PRLR: variants seen among roughly 807,000 people sequenced by gnomAD.
The protein encoded by PRLR is hPRL receptor.
In PRLR, 13 loss-of-function variants were observed where a neutral mutation model predicts 40.2. That is an observed-to-expected ratio of 0.32 (90% CI 0.21 to 0.51). The LOEUF (loss-of-function observed/expected upper bound fraction) is 0.51, where lower values mean the gene tolerates loss of function less well. Ranked by LOEUF, PRLR falls within the 20% of genes least tolerant of loss-of-function variation. PRLR has a pLI of 0.97. For missense variants in PRLR, 656 were observed against 747.3 expected (o/e 0.88, Z 1.42); for synonymous variants, 269 against 278.7 (o/e 0.97, Z 0.35).
chr5:35,201,481 C>T (rs1579797291), intron 1 of PRLR, among the ~76,000 whole-genome samples: 1 of 152,174 alleles, frequency 6.6e-6, no homozygotes, highest in East Asian at 1.9e-4. Context: ...GAAACACTTG[C>T]AGGACCTGTC....
At position 35,070,164 on chromosome 5, in the gene PRLR, C is replaced by A; in HGVS notation, c.645G>T (p.Trp215Cys). ...QVRCKPDHGYWSAWSPATFIQ... is the reference protein window; with the variant it reads ...QVRCKPDHGYCSAWSPATFIQ... The stretch of plus-strand genomic sequence containing the variant: ...TGAAGGTCGCTGGACTCCATGCACT[C>A]CAGTATCCATGGTCTGGTTTGCAGC... Residue 215 changes from tryptophan to cysteine, a missense_variant, in exon 7 of 10, where the codon TGG becomes TGT. By Grantham distance (215) the Trp-to-Cys change is radical. This residue lies in a region of PRLR where 469 missense variants were observed against 491.5 expected (regional missense o/e 0.95). Coordinates refer to ENST00000618457, the MANE Select transcript of PRLR (RefSeq NM_000949.7). The A allele has an allele frequency of 6.2e-7, 1 of 1,614,120 alleles. No homozygotes were observed. The highest frequency in any genetic ancestry group is 8.5e-7 in the Non-Finnish European group (1 of 1,180,028).
At chr5:35,197,782 A>G (rs925828367) in intron 1 of PRLR, among the ~76,000 whole-genome samples, 40 of 152,238 alleles carry the variant, frequency 2.6e-4, no homozygotes. Context: ...ATAGTCGCTG[A>G]CTGCAGCAGA....
chr5:35,154,821 GAT>G (rs1248842005), intron 1 of PRLR, among the ~76,000 whole-genome samples: 1 of 152,156 alleles, frequency 6.6e-6, no homozygotes, highest in Non-Finnish European at 1.5e-5. Flanking sequence ...AAAAAAACGA[GAT>G]CATGTCTTCT....
intron 6 of PRLR, among the ~76,000 whole-genome samples, chr5:35,071,628 G>A (rs1447434163): frequency 2.6e-5 from 4 of 151,776 alleles, no homozygotes; most frequent in African/African-American, 7.3e-5. Flanking sequence ...AGACGGAGTC[G>A]CTCTTGTCAC....
At chr5:35,069,697 G>C (rs922719461) in intron 7 of PRLR, among the ~76,000 whole-genome samples, 2 of 152,226 alleles carry the variant, frequency 1.3e-5, no homozygotes, top group Non-Finnish European at 2.9e-5. Flanking sequence ...CTTTGCTGGA[G>C]CTGTCTATCT....
chr5:35,116,801 G>T (rs938549638), intron 2 of PRLR, among the ~76,000 whole-genome samples: 1 of 152,158 alleles, frequency 6.6e-6, no homozygotes, highest in African/African-American at 2.4e-5. Context: ...CACTTCTTCT[G>T]CAAGTATTTG....
At position 35,157,431 on chromosome 5, in the gene PRLR, A is replaced by G. The variant is rs144684229; in HGVS notation, c.-105-39309T>C. Reference sequence around the variant, plus strand: ...CATCCTGACCACCATTTCCTGGTTGATGAGACAACCCCTTCCAGGGAGGAC... The same window carrying G: ...CATCCTGACCACCATTTCCTGGTTGGTGAGACAACCCCTTCCAGGGAGGAC... On this transcript the variant is annotated intron_variant, in intron 1 of 9. Transcript: ENST00000618457. Among the ~76,000 whole-genome samples, 791 of 152,296 alleles carry G rather than the reference A, an allele frequency of 5.2e-3. 8 individuals carry two copies. The highest frequency in any genetic ancestry group is 0.018 in the African/African-American group (769 of 41,568).
intron 1 of PRLR, among the ~76,000 whole-genome samples, chr5:35,170,143 A>C (rs1774956825): frequency 6.6e-6 from 1 of 152,246 alleles, no homozygotes; most frequent in South Asian, 2.1e-4. Context: ...ATCATGTAAG[A>C]AATCACACAA....
intron 1 of PRLR, among the ~76,000 whole-genome samples, chr5:35,164,953 C>G (rs966891019): frequency 1.3e-5 from 2 of 152,270 alleles, no homozygotes; most frequent in Non-Finnish European, 2.9e-5. Flanking sequence ...TGGTTTGGGT[C>G]TCTGTGTTGA....
At chr5:35,226,542 C>T (rs1285180104) in intron 1 of PRLR, among the ~76,000 whole-genome samples, 5 of 152,208 alleles carry the variant, frequency 3.3e-5, no homozygotes, top group African/African-American at 1.2e-4. Flanking sequence ...CATCTTCAGA[C>T]TTTAAGCTTT....
intron 2 of PRLR, among the ~76,000 whole-genome samples, chr5:35,095,496 G>A (rs1451432821): frequency 1.3e-5 from 2 of 152,218 alleles, no homozygotes; most frequent in Non-Finnish European, 2.9e-5. Context: ...GGAAGACATT[G>A]AAAACTGAGG....
intron 2 of PRLR, among the ~76,000 whole-genome samples, chr5:35,101,043 A>G (rs1023768646): frequency 1.3e-5 from 2 of 152,208 alleles, no homozygotes. Context: ...GGTAACTACT[A>G]CATTTAACCA....
At chr5:35,166,714 A>G (rs900971325) in intron 1 of PRLR, among the ~76,000 whole-genome samples, 4 of 152,142 alleles carry the variant, frequency 2.6e-5, no homozygotes, top group African/African-American at 9.7e-5. Context: ...AAAATTCTCA[A>G]AGGAAGCTTA....
At chr5:35,085,136 C>T (rs1213636815) in intron 4 of PRLR, among the ~76,000 whole-genome samples, 1 of 152,148 alleles carries the variant, frequency 6.6e-6, no homozygotes, top group Non-Finnish European at 1.5e-5. Context: ...TCAGACTGCA[C>T]CAAGTCAGCA....
chr5:35,164,614 G>A (rs1774767815), intron 1 of PRLR, among the ~76,000 whole-genome samples: 2 of 152,162 alleles, frequency 1.3e-5, no homozygotes, highest in African/African-American at 4.8e-5. Context: ...GAATGCATCA[G>A]GGTCTACAAG....
chr5:35,161,383 G>A (rs529675527), intron 1 of PRLR, among the ~76,000 whole-genome samples: 1 of 152,328 alleles, frequency 6.6e-6, no homozygotes, highest in East Asian at 1.9e-4. Flanking sequence ...AGGTTGGATG[G>A]TTGGGAGCAC....
At chr5:35,223,724 G>C (rs1336248339) in intron 1 of PRLR, among the ~76,000 whole-genome samples, 2 of 152,208 alleles carry the variant, frequency 1.3e-5, no homozygotes, top group Non-Finnish European at 2.9e-5. Context: ...CTTAGAAAAT[G>C]TTCTTTACAT....
At chr5:35,197,746 C>T (rs1208729798) in intron 1 of PRLR, among the ~76,000 whole-genome samples, 1 of 152,264 alleles carries the variant, frequency 6.6e-6, no homozygotes, top group African/African-American at 2.4e-5. Flanking sequence ...CAACCAGCGA[C>T]TGCTGCTCAG....
chr5:35,065,624 C>A lies in PRLR; in HGVS notation c.1334G>T (p.Gly445Val). Residue 445 changes from glycine to valine, a missense_variant, in exon 10 of 10, where the codon GGT (glycine) becomes GTT (valine). Gly to Val is a moderately radical substitution (Grantham distance 109, BLOSUM62 -3). This residue lies in a region of PRLR where 469 missense variants were observed against 491.5 expected (regional missense o/e 0.95). Transcript: ENST00000618457. ...TTCATTCAACAGAGTGGCCGGTGCA[C>A]CTGCAGGGCCCACAGCCAGCTCACA... The part of the protein sequence containing the change: ...DVCELAVGPA[G>V]APATLLNEAG... The A allele has an allele frequency of 6.2e-7, 1 of 1,613,916 alleles. No individual in the cohort carries two copies.
Sources: gnomAD v4.1 joint callset for allele counts (sites outside exome capture counted in the v4.1 genomes callset) on GRCh38, gnomAD v4.1.1 for gene constraint, gnomAD v4.1.1 regional missense constraint, MANE v1.5 for transcripts, NCBI Gene and HGNC (gene_info 2026-07-23, HGNC 2026-07-21) for gene names.